BTBD9: variants seen among roughly 807,000 people sequenced by gnomAD.
BTBD9 encodes the protein BTB domain containing 9, also known as BTB/POZ domain-containing protein 9.
A neutral mutation model predicts 64.3 loss-of-function variants in BTBD9; 49 were observed. That is an observed-to-expected ratio of 0.76 (90% CI 0.61 to 0.97). BTBD9 has a LOEUF of 0.97. Ranked by LOEUF, BTBD9 falls within the 50% of genes least tolerant of loss-of-function variation. BTBD9 has a pLI of 0.00. For synonymous variants in BTBD9, 260 were observed against 274.7 expected, an observed-to-expected ratio of 0.95 and a Z score of 0.53; for missense variants, 598 against 762.1, an observed-to-expected ratio of 0.78 and a Z score of 2.53.
intron 4 of BTBD9, among the ~76,000 whole-genome samples, chr6:38,582,729 C>G (rs576705193): frequency 6.6e-6 from 1 of 152,260 alleles, no homozygotes; most frequent in Non-Finnish European, 1.5e-5. Context: ...CTATCATTCA[C>G]CCCCCTTGAG....
intron 8 of BTBD9, among the ~76,000 whole-genome samples, chr6:38,266,946 C>T (rs1428710723): frequency 6.6e-6 from 1 of 152,198 alleles, no homozygotes; most frequent in Non-Finnish European, 1.5e-5. Context: ...TACGGATCTT[C>T]CCCCGTGTTT....
At chr6:38,438,072 C>T (rs760476044) in intron 6 of BTBD9, among the ~76,000 whole-genome samples, 4 of 151,658 alleles carry the variant, frequency 2.6e-5, no homozygotes, top group Non-Finnish European at 5.9e-5. Flanking sequence ...GATATTTTCA[C>T]TCACATCAAC....
chr6:38,330,143 C>G (rs1284993303), intron 7 of BTBD9, among the ~76,000 whole-genome samples: 1 of 151,990 alleles, frequency 6.6e-6, no homozygotes, highest in Non-Finnish European at 1.5e-5. Context: ...CAACCTGCAC[C>G]TCCTGGGTTC....
chr6:38,467,235 T>C (rs931223168), intron 6 of BTBD9, among the ~76,000 whole-genome samples: 2 of 152,198 alleles, frequency 1.3e-5, no homozygotes, highest in Non-Finnish European at 2.9e-5. Context: ...TCATTCTATT[T>C]TTGTCCCTTT....
intron 6 of BTBD9, among the ~76,000 whole-genome samples, chr6:38,412,410 T>C (rs1767468307): frequency 6.6e-6 from 1 of 151,876 alleles, no homozygotes; most frequent in South Asian, 2.1e-4. Context: ...CTCTCAAAGT[T>C]TGAAAAACAT....
chr6:38,520,204 A>G (rs1287976281), intron 6 of BTBD9, among the ~76,000 whole-genome samples: 2 of 152,212 alleles, frequency 1.3e-5, no homozygotes, highest in Non-Finnish European at 1.5e-5. Flanking sequence ...CTGTAATCCC[A>G]GCACTTTGGG....
At chr6:38,217,933 A>G (rs978447171) in intron 9 of BTBD9, among the ~76,000 whole-genome samples, 37 of 152,052 alleles carry the variant, frequency 2.4e-4, no homozygotes, top group Admixed American at 2.0e-3. Context: ...ATTGTACCCA[A>G]GGGATGTCCT....
intron 6 of BTBD9, among the ~76,000 whole-genome samples, chr6:38,346,559 T>G (rs1293153901): frequency 7.0e-6 from 1 of 142,878 alleles, no homozygotes; most frequent in Non-Finnish European, 1.5e-5. Flanking sequence ...AGCAGGAATT[T>G]GGCCCTAATC....
chr6:38,461,755 G>A (rs1031835135), intron 6 of BTBD9, among the ~76,000 whole-genome samples: 2 of 152,132 alleles, frequency 1.3e-5, no homozygotes, highest in East Asian at 1.9e-4. Flanking sequence ...TTTCCAATGC[G>A]GTTATACCAT....
intron 7 of BTBD9, among the ~76,000 whole-genome samples, chr6:38,290,967 T>C (rs1761934352): frequency 6.6e-6 from 1 of 152,362 alleles, no homozygotes; most frequent in East Asian, 1.9e-4. Flanking sequence ...AAGATTTATA[T>C]ATCTATTCTC....
chr6:38,357,936 C>T (rs528541823), intron 6 of BTBD9, among the ~76,000 whole-genome samples: 1 of 152,246 alleles, frequency 6.6e-6, no homozygotes, highest in East Asian at 1.9e-4. Flanking sequence ...AAATTCCAAA[C>T]AAGGATATGT....
intron 10 of BTBD9, among the ~76,000 whole-genome samples, chr6:38,180,037 G>A (rs1200525288): frequency 6.6e-6 from 1 of 152,342 alleles, no homozygotes; most frequent in East Asian, 1.9e-4. Flanking sequence ...CATCTCTGTT[G>A]ATGATTTAAG....
At chr6:38,274,514 G>A (rs1271882368) in intron 8 of BTBD9, among the ~76,000 whole-genome samples, 1 of 152,126 alleles carries the variant, frequency 6.6e-6, no homozygotes, top group Non-Finnish European at 1.5e-5. Flanking sequence ...TTGGCTGTGG[G>A]TTTGTCATAG....
At chr6:38,400,776 C>T (rs1766892574) in intron 6 of BTBD9, among the ~76,000 whole-genome samples, 1 of 152,204 alleles carries the variant, frequency 6.6e-6, no homozygotes, top group Admixed American at 6.5e-5. Flanking sequence ...TATTCATGCT[C>T]ACTGTAACAA....
intron 7 of BTBD9, among the ~76,000 whole-genome samples, chr6:38,337,411 T>C (rs1763935862): frequency 1.3e-5 from 2 of 152,238 alleles, no homozygotes; most frequent in Non-Finnish European, 2.9e-5. Context: ...CCTATTTCTA[T>C]TTACTATCTT....
intron 6 of BTBD9, among the ~76,000 whole-genome samples, chr6:38,348,167 T>C (rs1399253853): frequency 6.6e-6 from 1 of 152,154 alleles, no homozygotes; most frequent in Non-Finnish European, 1.5e-5. Context: ...AAGTTATTAC[T>C]ACCCAAGTTA....
At chr6:38,508,145 T>A (rs929167416) in intron 6 of BTBD9, among the ~76,000 whole-genome samples, 2 of 152,134 alleles carry the variant, frequency 1.3e-5, no homozygotes, top group South Asian at 4.1e-4. Flanking sequence ...GTCTCCCAAA[T>A]CTTTAGCCCA....
intron 8 of BTBD9, among the ~76,000 whole-genome samples, chr6:38,280,946 G>A (rs1461401821): frequency 6.6e-6 from 1 of 152,138 alleles, no homozygotes; most frequent in East Asian, 1.9e-4. Flanking sequence ...CTATGCATTT[G>A]GAAACTGCTG....
At chr6:38,571,511 G>A (rs1775766660) in intron 6 of BTBD9, among the ~76,000 whole-genome samples, 1 of 152,118 alleles carries the variant, frequency 6.6e-6, no homozygotes, top group African/African-American at 2.4e-5. Context: ...GGGGGGCCTA[G>A]AATGTATAGT....
Sources: allele counts gnomAD v4.1 joint callset (sites outside exome capture counted in the v4.1 genomes callset), GRCh38; gene constraint gnomAD v4.1.1; transcripts MANE v1.5; gene names NCBI Gene and HGNC (gene_info 2026-07-23, HGNC 2026-07-21).